Variants in RNLS observed in about 807,000 individuals in gnomAD.
RNLS encodes renalase.
In RNLS, 39 loss-of-function variants were observed where a neutral mutation model predicts 39.8. That is an observed-to-expected ratio of 0.98 (90% CI 0.76 to 1.28). The LOEUF is 1.28. RNLS is among the 50% of genes most tolerant of loss of function. RNLS has a pLI of 0.00. For synonymous variants in RNLS, 147 were observed against 150.7 expected, an observed-to-expected ratio of 0.98 and a Z score of 0.18; for missense variants, 410 against 413.3, an observed-to-expected ratio of 0.99 and a Z score of 0.07.
the RNLS span, among the ~76,000 whole-genome samples, chr10:88,221,884 C>T: frequency 9.0e-3 from 1,367 of 152,196 alleles, 63 homozygotes; most frequent in East Asian, 0.13. Context: ...GCAGCAAATC[C>T]GCTCTCAGTA....
At position 88,488,280 on chromosome 10, in the gene RNLS, C is replaced by T. The variant is rs1589881246; in HGVS notation, c.526+84623G>A. Among the ~76,000 whole-genome samples, 3 of 152,212 alleles carry T rather than the reference C, an allele frequency of 2.0e-5. No individual in the cohort carries two copies. The South Asian group carries it at 6.2e-4, about 32-fold the overall frequency. Reference sequence around the variant, plus strand: ...AATGATCAGAGGCTGGGCATGGTGGCTTACACCTGTAATCCCAGCACTTTG... The same window carrying T: ...AATGATCAGAGGCTGGGCATGGTGGTTTACACCTGTAATCCCAGCACTTTG... On this transcript the variant is annotated intron_variant, in intron 4 of 6. Transcript: ENST00000331772.
intron 4 of RNLS, among the ~76,000 whole-genome samples, chr10:88,478,727 T>A (rs565328749): frequency 1.3e-5 from 2 of 152,294 alleles, no homozygotes; most frequent in African/African-American, 4.8e-5. Context: ...CTCTGTACCA[T>A]TTTCTGGCAC....
intron 4 of RNLS, among the ~76,000 whole-genome samples, chr10:88,401,066 C>T (rs1852883802): frequency 6.6e-6 from 1 of 151,806 alleles, no homozygotes; most frequent in Admixed American, 6.6e-5. Context: ...TCCAGGAGTT[C>T]TCCCAATTTC....
chr10:88,318,096 C>T (rs2133074566), intron 5 of RNLS, among the ~76,000 whole-genome samples: 1 of 152,316 alleles, frequency 6.6e-6, no homozygotes, highest in East Asian at 1.9e-4. Context: ...CTGAACTGAG[C>T]CATGCTGGTT....
downstream of RNLS, among the ~76,000 whole-genome samples, chr10:88,280,867 G>A (rs769513153): frequency 6.6e-6 from 1 of 152,074 alleles, no homozygotes; most frequent in Non-Finnish European, 1.5e-5. Flanking sequence ...TGGTCTAAAT[G>A]GTTTCCAAAC....
chr10:88,368,700 G>A (rs776304912), intron 4 of RNLS, among the ~76,000 whole-genome samples: 4 of 151,840 alleles, frequency 2.6e-5, no homozygotes, highest in Non-Finnish European at 4.4e-5. Flanking sequence ...TTGGTTAATC[G>A]TTTCATTAAT....
At chr10:88,183,651 A>G in the RNLS span, among the ~76,000 whole-genome samples, 9 of 152,182 alleles carry the variant, frequency 5.9e-5, no homozygotes, top group Admixed American at 3.3e-4. Context: ...CCATTAAAGT[A>G]GTTTTTATTC....
At chr10:88,234,522 G>A in the RNLS span, among the ~76,000 whole-genome samples, 4 of 152,158 alleles carry the variant, frequency 2.6e-5, no homozygotes, top group African/African-American at 7.2e-5. Flanking sequence ...TTGTGGGTGC[G>A]CACAGCAGTG....
the RNLS span, among the ~76,000 whole-genome samples, chr10:88,183,979 C>A: frequency 2.0e-5 from 3 of 152,058 alleles, no homozygotes; most frequent in African/African-American, 7.2e-5. Flanking sequence ...TGTTTGAGTG[C>A]CTTCCAGAAT....
chr10:88,265,433 C>CTTT, the RNLS span, among the ~76,000 whole-genome samples: 1 of 136,226 alleles, frequency 7.3e-6, no homozygotes, highest in Admixed American at 8.4e-5. Flanking sequence ...TTGTAGATTG[C>CTTT]TTTTGGCAGT....
At chr10:88,182,063 A>G in the RNLS span, among the ~76,000 whole-genome samples, 2 of 152,178 alleles carry the variant, frequency 1.3e-5, no homozygotes, top group African/African-American at 4.8e-5. Flanking sequence ...GGGGTAGGTC[A>G]AATATCCATT....
intron 4 of RNLS, among the ~76,000 whole-genome samples, chr10:88,558,740 AT>A (rs2134373381): frequency 6.6e-6 from 1 of 152,316 alleles, no homozygotes; most frequent in East Asian, 1.9e-4. Context: ...CAAATAATAA[AT>A]TTAAAAAGAC....
chr10:88,254,806 C>T, the RNLS span, among the ~76,000 whole-genome samples: 1 of 152,156 alleles, frequency 6.6e-6, no homozygotes, highest in Non-Finnish European at 1.5e-5. Context: ...GGGATTTGAA[C>T]CCTGATCTTG....
chr10:88,567,748 G>C (rs1426519060), intron 4 of RNLS, among the ~76,000 whole-genome samples: 2 of 152,070 alleles, frequency 1.3e-5, no homozygotes, highest in Admixed American at 6.5e-5. Context: ...CTGCATAGTA[G>C]AAATGATACT....
the RNLS span, among the ~76,000 whole-genome samples, chr10:88,204,972 A>G: frequency 3.9e-5 from 6 of 152,154 alleles, no homozygotes; most frequent in Non-Finnish European, 7.4e-5. Context: ...GGTGAATGCT[A>G]TGATAGAATA....
At chr10:88,541,237 T>A (rs1848023418) in intron 4 of RNLS, among the ~76,000 whole-genome samples, 1 of 152,224 alleles carries the variant, frequency 6.6e-6, no homozygotes, top group South Asian at 2.1e-4. Flanking sequence ...ACAAGTTTAA[T>A]ACTTTTGTCT....
intron 4 of RNLS, among the ~76,000 whole-genome samples, chr10:88,568,815 G>A (rs927794633): frequency 3.3e-5 from 5 of 152,150 alleles, no homozygotes; most frequent in East Asian, 1.9e-4. Flanking sequence ...AGATACATTC[G>A]TTGCTCTGTT....
chr10:88,528,677 C>A (rs1438364211), intron 4 of RNLS, among the ~76,000 whole-genome samples: 2 of 151,828 alleles, frequency 1.3e-5, no homozygotes, highest in African/African-American at 4.8e-5. Context: ...GAAACCTCTT[C>A]TCTACTAAAA....
At chr10:88,497,220 T>C (rs1271041280) in intron 4 of RNLS, among the ~76,000 whole-genome samples, 3 of 152,052 alleles carry the variant, frequency 2.0e-5, no homozygotes, top group Non-Finnish European at 2.9e-5. Flanking sequence ...GTAATACAGA[T>C]AATGAACACA....
Sources: gnomAD v4.1 joint callset for allele counts (sites outside exome capture counted in the v4.1 genomes callset) on GRCh38, gnomAD v4.1.1 for gene constraint, MANE v1.5 for transcripts, NCBI Gene and HGNC (gene_info 2026-07-23, HGNC 2026-07-21) for gene names.